Variants in MIEN1 observed in about 807,000 individuals in gnomAD.
MIEN1 encodes HBV X-transactivated gene 4 protein.
In MIEN1, 12 loss-of-function variants were observed where a neutral mutation model predicts 15.5. The ratio of observed to expected loss-of-function variants is 0.78; its 90% CI spans 0.50 to 1.26. The LOEUF (loss-of-function observed/expected upper bound fraction) is 1.26. Ranked by LOEUF, MIEN1 falls within the 50% of genes most tolerant of loss-of-function variation. The pLI is 0.00. For synonymous variants in MIEN1, 63 were observed against 62.8 expected, an observed-to-expected ratio of 1.00 and a Z score of -0.02; for missense variants, 160 against 151.7, an observed-to-expected ratio of 1.05 and a Z score of -0.29.
At chr17:39,729,815 G>A in intron 2 of MIEN1, 54 bp from the exon 3 acceptor site, 1 of 1,610,820 alleles carries the variant, frequency 6.2e-7, no homozygotes, top group South Asian at 1.1e-5. Context: ...CAGAAGTCAG[G>A]AGTTCCTCCA....
At position 39,730,411 on chromosome 17, in the gene MIEN1, A is replaced by G. The variant is rs1173821350; in HGVS notation, c.85T>C (p.Tyr29His). Residue 29 changes from tyrosine (Y) to histidine (H), a missense_variant, in exon 1 of 4, where the codon TAC becomes CAC. By Grantham distance (83) the Tyr-to-His change is moderately conservative. Transcript: ENST00000394231. The part of the protein sequence containing the change: ...PGSGVRIVVE[Y>H]CEPCGFEATY... ...CCTCCAGCCGGGGCCGCTCACCAGT[A>G]CTCCACCACGATGCGGACCCCACTG... 4 of 1,553,548 alleles carry G rather than the reference A, an allele frequency of 2.6e-6. No individual in the cohort carries two copies. The highest frequency in any genetic ancestry group is 3.5e-6 in the Non-Finnish European group (4 of 1,149,898).
In MIEN1 at chr17:39,728,649, T is replaced by C. The variant is rs921111907; in HGVS notation, c.*873A>G. ...CACTTTGTCCATTTGCAAATATATT[T>C]TGGAAAACAGCTAGGCACCGGCCTA... On this transcript the variant is annotated 3_prime_UTR_variant, in exon 4 of 4. Coordinates refer to ENST00000394231, the MANE Select transcript of MIEN1 (RefSeq NM_032339.5). 2.1e-5 allele frequency: 5 copies of C among 232,634 alleles called. No homozygotes were observed. Among genetic ancestry groups the C allele is most frequent in the Non-Finnish European group, 4.2e-5 (5 of 117,722 alleles). The allele number at this position is 232,634 out of a possible 1,614,324, so 14.4% of individuals were successfully genotyped here.
In MIEN1 at chr17:39,730,300, T is replaced by A; in HGVS notation, c.90-9A>T. The A allele has an allele frequency of 1.3e-6, 2 of 1,590,010 alleles. 1 individual carries two copies. The highest frequency in any genetic ancestry group is 2.2e-5 in the South Asian group (2 of 89,010). On this transcript the variant is annotated splice_polypyrimidine_tract_variant and intron_variant, in intron 1 of 3. Transcript: ENST00000394231. ...CGAAGCCGCAGGGTTCACTGGGGAG[T>A]CAAGAGATGGGGCTGGGCTGGGGAT... is the stretch of plus-strand genomic sequence containing the variant.
chr17:39,729,786 G>C, intron 2 of MIEN1, 25 bp from the exon 3 acceptor site: 1 of 1,613,886 alleles, frequency 6.2e-7, no homozygotes, highest in Non-Finnish European at 8.5e-7. Context: ...ACAGATAAAT[G>C]GTACACTGAG....
chr17:39,730,188 C>G lies in MIEN1; in HGVS notation c.187+6G>C. ...ACTGACCCAGCAGGTGTTCTGCGAG[C>G]CTCACCTGTGCCCCCGAGGCGCGAC... is the stretch of plus-strand genomic sequence containing the variant. On this transcript the variant is annotated splice_donor_region_variant and intron_variant, in intron 2 of 3. Transcript: ENST00000394231. 2 of 1,599,216 alleles carry G rather than the reference C, an allele frequency of 1.3e-6. No individual in the cohort carries two copies. The highest frequency in any genetic ancestry group is 1.1e-5 in the South Asian group (1 of 89,494).
chr17:39,730,011 T>C (rs1597895826), intron 2 of MIEN1, 183 bp downstream of exon 2: 1 of 713,236 alleles, frequency 1.4e-6, no homozygotes, highest in Admixed American at 2.7e-5. Context: ...TCTAATAGGT[T>C]TTTCCCCACA....
In MIEN1 at chr17:39,728,887, C is replaced by T. The variant is rs760458832; in HGVS notation, c.*635G>A. 7 of 184,912 alleles carry T rather than the reference C, an allele frequency of 3.8e-5. No homozygotes were observed. Among genetic ancestry groups the T allele is most frequent in the Non-Finnish European group, 6.9e-5 (6 of 87,486 alleles). The allele number at this position is 184,912 out of a possible 1,614,324, so 11.5% of individuals were successfully genotyped here. A position where few individuals can be genotyped will look rare whatever the true frequency, so the allele number is the denominator to read the frequency against. On this transcript the variant is annotated 3_prime_UTR_variant, in exon 4 of 4. Transcript: ENST00000394231. ...ATTCTTATTTAGAACGAACTAATTC[C>T]TAAGGCCACTCACCAGAATGGGGTT...
chr17:39,729,818 T>G (rs1370140268), intron 2 of MIEN1, 57 bp from the exon 3 acceptor site: 1 of 1,609,482 alleles, frequency 6.2e-7, no homozygotes, highest in Non-Finnish European at 8.5e-7. Flanking sequence ...AAGTCAGGAG[T>G]TCCTCCAAAG....
Position 39,729,411 on chromosome 17 carries a change from CTT to C in MIEN1, c.*109_*110del. 7.1e-7 allele frequency: 1 copy of C among 1,402,108 alleles called. No homozygotes were observed. The highest frequency in any genetic ancestry group is 9.9e-7 in the Non-Finnish European group (1 of 1,015,216). 86.9% of individuals were successfully genotyped at this position (1,402,108 alleles called of 1,614,324 possible). A position where few individuals can be genotyped will look rare whatever the true frequency, so the allele number is the denominator to read the frequency against. ...AAGGGCAAAGTGGAGGCCAGGGTCTCTTTGCTAAGGAGCTAAGTAGGGGAAAG... is the reference window on the plus strand; with the variant it reads ...AAGGGCAAAGTGGAGGCCAGGGTCTCTGCTAAGGAGCTAAGTAGGGGAAAG... On this transcript the variant is annotated 3_prime_UTR_variant, in exon 4 of 4. Transcript: ENST00000394231.
At position 39,728,595 on chromosome 17, in the gene MIEN1, G is replaced by C. The variant is rs1182600687; in HGVS notation, c.*927C>G. On this transcript the variant is annotated 3_prime_UTR_variant, in exon 4 of 4. Coordinates refer to ENST00000394231, the MANE Select transcript of MIEN1 (RefSeq NM_032339.5). ...GGGGAGAATGGGTGTTGTATGGGGA[G>C]GCAAGTGTGGGGGGTCCTTCTCCAC... is the stretch of plus-strand genomic sequence containing the variant. The C allele has an allele frequency of 4.3e-6, 1 of 233,368 alleles. No individual in the cohort carries two copies. The highest frequency in any genetic ancestry group is 8.5e-6 in the Non-Finnish European group (1 of 118,158). The allele number at this position is 233,368 out of a possible 1,614,324, so 14.5% of individuals were successfully genotyped here.
In MIEN1 at chr17:39,729,447, G is replaced by T. The variant is rs2059920194; in HGVS notation, c.*75C>A. 1 of 1,583,848 alleles carries T rather than the reference G, an allele frequency of 6.3e-7. No individual in the cohort carries two copies. The highest frequency in any genetic ancestry group is 8.6e-7 in the Non-Finnish European group (1 of 1,157,598). On this transcript the variant is annotated 3_prime_UTR_variant, in exon 4 of 4. Coordinates refer to ENST00000394231, the MANE Select transcript of MIEN1 (RefSeq NM_032339.5). ...AGCTAAGTAGGGGAAAGAGGCAGGG[G>T]GAGCTCCCAGCAGGACCAAAGGGAG...
At position 39,730,419 on chromosome 17, in the gene MIEN1, A is replaced by G; in HGVS notation, c.77T>C (p.Val26Ala). The part of the protein sequence containing the change: ...EVEPGSGVRI[V>A]VEYCEPCGFE... ...CGGGGCCGCTCACCAGTACTCCACC[A>G]CGATGCGGACCCCACTGCCCGGCTC... is the stretch of plus-strand genomic sequence containing the variant. The change falls in exon 1 of 4, where the codon GTG becomes GCG. Residue 26 changes from valine (V) to alanine (A), a missense_variant. Transcript: ENST00000394231. 2.6e-6 allele frequency: 4 copies of G among 1,553,708 alleles called. No homozygotes were observed. Among genetic ancestry groups the G allele is most frequent in the Non-Finnish European group, 3.5e-6 (4 of 1,149,922 alleles).
At position 39,729,481 on chromosome 17, in the gene MIEN1, TTGGACC is replaced by T. The variant is rs756742350; in HGVS notation, c.*35_*40del. 2.1e-5 allele frequency: 34 copies of T among 1,611,788 alleles called. No homozygotes were observed. Among genetic ancestry groups the T allele is most frequent in the Non-Finnish European group, 2.5e-5 (30 of 1,179,698 alleles). ...AGCAGGACCAAAGGGAGACCAAGGT[TTGGACC>T]CCAGAACAGAGCAGGAACCCAGAGT... On this transcript the variant is annotated 3_prime_UTR_variant, in exon 4 of 4. Coordinates refer to ENST00000394231, the MANE Select transcript of MIEN1 (RefSeq NM_032339.5).
chr17:39,728,723 A>C lies in MIEN1; in HGVS notation c.*799T>G. 4.5e-6 allele frequency: 1 copy of C among 223,042 alleles called. No individual in the cohort carries two copies. The highest frequency in any genetic ancestry group is 9.0e-6 in the Non-Finnish European group (1 of 111,610). 13.8% of individuals were successfully genotyped at this position (223,042 alleles called of 1,614,324 possible). Reference sequence around the variant, plus strand: ...TCCCTTCCTGCTCACCTTACACTCAATTCCTCTTTTCCTGGAGGGAGTGGC... The same window carrying C: ...TCCCTTCCTGCTCACCTTACACTCACTTCCTCTTTTCCTGGAGGGAGTGGC... On this transcript the variant is annotated 3_prime_UTR_variant, in exon 4 of 4. Transcript: ENST00000394231.
In MIEN1 at chr17:39,730,509, G is replaced by A. The variant is rs1043619895; in HGVS notation, c.-14C>T. On this transcript the variant is annotated 5_prime_UTR_variant, in exon 1 of 4. Transcript: ENST00000394231. ...CTCCCCGCTCATCGCGGCCGGCTCC[G>A]CTCGGGCCCCTGCTTCCGGGTGTGA... The A allele has an allele frequency of 1.4e-5, 21 of 1,526,596 alleles. No homozygotes were observed. The highest frequency in any genetic ancestry group is 1.8e-5 in the Non-Finnish European group (21 of 1,142,590). 94.6% of individuals were successfully genotyped at this position (1,526,596 alleles called of 1,614,324 possible). A position where few individuals can be genotyped will look rare whatever the true frequency, so the allele number is the denominator to read the frequency against.
At chr17:39,729,643 G>C (rs776477567) in intron 3 of MIEN1, 38 bp from the exon 4 acceptor site, 1 of 1,614,108 alleles carries the variant, frequency 6.2e-7, no homozygotes, top group South Asian at 1.1e-5. Context: ...CACTGTTGGG[G>C]TAGGGTGACC....
chr17:39,730,518 C>A lies in MIEN1; in HGVS notation c.-23G>T, dbSNP rs1597896512. 6 of 1,523,010 alleles carry A rather than the reference C, an allele frequency of 3.9e-6. No individual in the cohort carries two copies. In the East Asian group the frequency reaches 1.5e-4, roughly 39 times the overall value. 94.3% of individuals were successfully genotyped at this position (1,523,010 alleles called of 1,614,324 possible). ...CATCGCGGCCGGCTCCGCTCGGGCC[C>A]CTGCTTCCGGGTGTGACGCGAACCG... On this transcript the variant is annotated 5_prime_UTR_variant, in exon 1 of 4. Coordinates refer to ENST00000394231, the MANE Select transcript of MIEN1 (RefSeq NM_032339.5).
Position 39,729,421 on chromosome 17 carries a change from G to A in MIEN1, c.*101C>T. On this transcript the variant is annotated 3_prime_UTR_variant, in exon 4 of 4. Coordinates refer to ENST00000394231, the MANE Select transcript of MIEN1 (RefSeq NM_032339.5). ...TGGAGGCCAGGGTCTCTTTGCTAAG[G>A]AGCTAAGTAGGGGAAAGAGGCAGGG... 1 of 1,465,522 alleles carries A rather than the reference G, an allele frequency of 6.8e-7. No individual in the cohort carries two copies. The highest frequency in any genetic ancestry group is 9.4e-7 in the Non-Finnish European group (1 of 1,060,686). The allele number at this position is 1,465,522 out of a possible 1,614,324, so 90.8% of individuals were successfully genotyped here.
chr17:39,730,311 G>C lies in MIEN1; in HGVS notation c.90-20C>G, dbSNP rs2059930958. On this transcript the variant is annotated intron_variant, in intron 1 of 3. Coordinates refer to ENST00000394231, the MANE Select transcript of MIEN1 (RefSeq NM_032339.5). ...GGTTCACTGGGGAGTCAAGAGATGGGGCTGGGCTGGGGATTCGGGGGTGGG... is the reference window on the plus strand; with the variant it reads ...GGTTCACTGGGGAGTCAAGAGATGGCGCTGGGCTGGGGATTCGGGGGTGGG... 6.3e-7 allele frequency: 1 copy of C among 1,590,130 alleles called. No individual in the cohort carries two copies. The highest frequency in any genetic ancestry group is 1.3e-5 in the African/African-American group (1 of 74,758).
Sources: allele counts gnomAD v4.1 joint callset, GRCh38; gene constraint gnomAD v4.1.1; transcripts MANE v1.5; gene names NCBI Gene and HGNC (gene_info 2026-07-23, HGNC 2026-07-21).